Variants in MCOLN2 observed in about 807,000 individuals in gnomAD.
MCOLN2 encodes mucolipin TRP cation channel 2, also known as mucolipin-2.
MCOLN2 carries 57 observed loss-of-function variants against 67.5 expected under a neutral mutation model. The ratio of observed to expected loss-of-function variants is 0.84; its 90% CI spans 0.68 to 1.05. The LOEUF is 1.05. MCOLN2 is among the 50% of genes least tolerant of loss of function. The probability of loss-of-function intolerance (pLI) is 0.00; values close to 1 mark genes in which losing one functional copy is unlikely to be tolerated. For synonymous variants in MCOLN2, 246 were observed against 233.3 expected (o/e 1.05, Z -0.50); for missense variants, 620 against 678.8 (o/e 0.91, Z 0.96).
intron 6 of MCOLN2, among the ~76,000 whole-genome samples, chr1:84,948,561 CA>C (rs1648239723): frequency 6.6e-6 from 1 of 152,082 alleles, no homozygotes; most frequent in African/African-American, 2.4e-5. Context: ...CCCAAAAGAA[CA>C]TAATAATTCT....
chr1:84,927,273 G>GAA (rs1313929480), intron 13 of MCOLN2, among the ~76,000 whole-genome samples: 4 of 144,428 alleles, frequency 2.8e-5, no homozygotes, highest in African/African-American at 7.6e-5. Context: ...TTTGTTTCTG[G>GAA]AAAAAAAAAA....
At position 84,982,210 on chromosome 1, in the gene MCOLN2, T is replaced by C. The variant is rs1041651038; in HGVS notation, c.77+14586A>G. On this transcript the variant is annotated intron_variant, in intron 1 of 13. Coordinates refer to ENST00000370608, the MANE Select transcript of MCOLN2 (RefSeq NM_153259.4). Reference sequence around the variant, plus strand: ...TACTGCTAAATGAGGTGCATGGCTCTAAATATATAGTACCATAAGATATTT... The same window carrying C: ...TACTGCTAAATGAGGTGCATGGCTCCAAATATATAGTACCATAAGATATTT... Among the ~76,000 whole-genome samples, 5 of 152,204 alleles carry C rather than the reference T, an allele frequency of 3.3e-5. No individual in the cohort carries two copies. In the East Asian group the frequency reaches 9.6e-4, roughly 29 times the overall value.
At chr1:84,977,982 A>T (rs1485800231) in intron 1 of MCOLN2, among the ~76,000 whole-genome samples, 1 of 152,222 alleles carries the variant, frequency 6.6e-6, no homozygotes, top group Non-Finnish European at 1.5e-5. Flanking sequence ...GACAGACCAT[A>T]TATTAAGTCA....
intron 4 of MCOLN2, among the ~76,000 whole-genome samples, chr1:84,953,369 G>A (rs1363631143): frequency 6.6e-6 from 1 of 152,102 alleles, no homozygotes; most frequent in Non-Finnish European, 1.5e-5. Flanking sequence ...GACCAACATG[G>A]TGAAACGCCG....
chr1:84,946,373 T>G (rs1648109615), intron 7 of MCOLN2, among the ~76,000 whole-genome samples: 1 of 152,198 alleles, frequency 6.6e-6, no homozygotes, highest in Admixed American at 6.5e-5. Context: ...GCCTAGCAAT[T>G]AATATGTGCC....
chr1:84,932,729 G>A (rs1436129571), intron 11 of MCOLN2, among the ~76,000 whole-genome samples: 1 of 152,152 alleles, frequency 6.6e-6, no homozygotes, highest in African/African-American at 2.4e-5. Context: ...TCTAAGGCCT[G>A]TCTGTTCCTA....
At chr1:84,959,530 T>A (rs1321392402) in intron 2 of MCOLN2, among the ~76,000 whole-genome samples, 1 of 152,110 alleles carries the variant, frequency 6.6e-6, no homozygotes, top group East Asian at 1.9e-4. Context: ...CACACACAGC[T>A]ACACACATAC....
At chr1:84,950,872 G>A (rs1199720440) in intron 6 of MCOLN2, among the ~76,000 whole-genome samples, 1 of 152,174 alleles carries the variant, frequency 6.6e-6, no homozygotes, top group Admixed American at 6.5e-5. Context: ...CAAGATCTCT[G>A]TTTCCCCCAG....
intron 1 of MCOLN2, among the ~76,000 whole-genome samples, chr1:84,972,555 A>G (rs891206184): frequency 2.6e-5 from 4 of 152,248 alleles, no homozygotes; most frequent in African/African-American, 9.6e-5. Flanking sequence ...TACTGTGGTA[A>G]GAAACCAGGA....
intron 13 of MCOLN2, among the ~76,000 whole-genome samples, chr1:84,928,079 T>C (rs1348375920): frequency 6.6e-6 from 1 of 152,232 alleles, no homozygotes; most frequent in Non-Finnish European, 1.5e-5. Context: ...GGATCTAGGC[T>C]TTGGTCTGAT....
At chr1:84,985,749 C>T (rs189813021) in intron 1 of MCOLN2, among the ~76,000 whole-genome samples, 1 of 152,196 alleles carries the variant, frequency 6.6e-6, no homozygotes, top group Admixed American at 6.5e-5. Flanking sequence ...GGTGAAAGAC[C>T]TCTACAAGGA....
chr1:84,957,079 T>A (rs1648834878), intron 3 of MCOLN2, among the ~76,000 whole-genome samples: 1 of 151,986 alleles, frequency 6.6e-6, no homozygotes, highest in African/African-American at 2.4e-5. Context: ...AACATCACAT[T>A]GTACCCCATA....
chr1:84,963,127 T>C (rs1283055061), intron 2 of MCOLN2, among the ~76,000 whole-genome samples: 3 of 152,208 alleles, frequency 2.0e-5, no homozygotes, highest in Non-Finnish European at 4.4e-5. Context: ...AACTGAAGGA[T>C]TGTAAGCAAA....
intron 1 of MCOLN2, among the ~76,000 whole-genome samples, chr1:84,975,299 G>A (rs1649942329): frequency 6.6e-6 from 1 of 152,198 alleles, no homozygotes; most frequent in Non-Finnish European, 1.5e-5. Flanking sequence ...CCACAGGGGT[G>A]CTTGTGTCAC....
At chr1:84,926,794 C>A (rs1570934644) in intron 13 of MCOLN2, 73 bp from the exon 14 acceptor site, 2 of 1,171,178 alleles carry the variant, frequency 1.7e-6, no homozygotes, top group South Asian at 1.6e-5. Flanking sequence ...AATAGGAATA[C>A]TCTATATTCT....
At chr1:84,987,365 T>G (rs137949133) in intron 1 of MCOLN2, among the ~76,000 whole-genome samples, 2,972 of 142,430 alleles carry the variant, frequency 0.021, 106 homozygotes, top group African/African-American at 0.071. Flanking sequence ...TAGATATATA[T>G]CCATATATTT....
intron 4 of MCOLN2, among the ~76,000 whole-genome samples, chr1:84,954,244 G>A (rs1408819534): frequency 6.6e-6 from 1 of 152,180 alleles, no homozygotes; most frequent in African/African-American, 2.4e-5. Flanking sequence ...CAACTCAATA[G>A]ACACAATATT....
intron 1 of MCOLN2, among the ~76,000 whole-genome samples, chr1:84,980,611 C>T (rs908449709): frequency 2.0e-5 from 3 of 152,130 alleles, no homozygotes; most frequent in African/African-American, 7.2e-5. Context: ...GTTGGGGAAA[C>T]TGGATATCCA....
At chr1:84,935,450 T>C (rs1207593856) in intron 11 of MCOLN2, among the ~76,000 whole-genome samples, 2 of 152,136 alleles carry the variant, frequency 1.3e-5, no homozygotes, top group East Asian at 1.9e-4. Flanking sequence ...GCAATGTCCA[T>C]AGTGGTAGTC....
Sources: allele counts gnomAD v4.1 joint callset (sites outside exome capture counted in the v4.1 genomes callset), GRCh38; gene constraint gnomAD v4.1.1; transcripts MANE v1.5; gene names NCBI Gene and HGNC (gene_info 2026-07-23, HGNC 2026-07-21).